The following RAD54B variants were observed in gnomAD, a reference collection of about 807,000 sequenced individuals.
RAD54B encodes DNA repair and recombination protein RAD54B.
Under a neutral mutation model 95.8 loss-of-function variants are expected in RAD54B, and 78 were observed. The ratio of observed to expected loss-of-function variants is 0.81; its 90% CI spans 0.68 to 0.98. The LOEUF (loss-of-function observed/expected upper bound fraction) is 0.98, where lower values mean the gene tolerates loss of function less well. Among genes scored for constraint, RAD54B ranks in the 50% least tolerant of loss-of-function variants. The pLI, the probability that RAD54B is intolerant of heterozygous loss-of-function variation, is 0.00. For missense variants in RAD54B, 957 were observed against 1,056.6 expected, an observed-to-expected ratio of 0.91 and a Z score of 1.31; for synonymous variants, 328 against 354.9, an observed-to-expected ratio of 0.92 and a Z score of 0.85.
rs1375146897 is a variant in RAD54B at position 94,414,677 on chromosome 8, A to G, written c.305-3362T>C. Among the ~76,000 whole-genome samples the G allele has an allele frequency of 2.0e-5, 3 of 152,234 alleles. No homozygotes were observed. In the East Asian group the frequency reaches 5.8e-4, roughly 29 times the overall value. Reference sequence around the variant, plus strand: ...CAGCCTTGCAGCAAAGTCTCAGGATACAAAATCAATGTATAAAAATCACAA... The same window carrying G: ...CAGCCTTGCAGCAAAGTCTCAGGATGCAAAATCAATGTATAAAAATCACAA... On this transcript the variant is annotated intron_variant, in intron 3 of 14. Transcript: ENST00000336148.
chr8:94,378,683 C>T (rs553190806), intron 12 of RAD54B, 49 bp from the exon 13 acceptor site: 4 of 1,260,516 alleles, frequency 3.2e-6, no homozygotes, highest in South Asian at 1.3e-5. Context: ...AACTAATGGC[C>T]CCTTCCACAC....
chr8:94,429,338 T>C (rs957006807), intron 3 of RAD54B: 2 of 538,000 alleles, frequency 3.7e-6, no homozygotes, highest in African/African-American at 4.1e-5. Context: ...AATTTTTACC[T>C]TCCACAATTA....
intron 3 of RAD54B, among the ~76,000 whole-genome samples, chr8:94,444,410 T>TA (rs61282884): frequency 0.028 from 3,902 of 137,818 alleles, 149 homozygotes; most frequent in African/African-American, 0.09. Context: ...TTTTAATAGT[T>TA]AAAAAAAAAA....
intron 3 of RAD54B, among the ~76,000 whole-genome samples, chr8:94,438,373 C>G (rs560893371): frequency 1.3e-5 from 2 of 152,272 alleles, no homozygotes; most frequent in South Asian, 4.1e-4. Context: ...TAGTTCTACC[C>G]TTTCATTGTC....
chr8:94,465,875 G>A (rs565348600), intron 2 of RAD54B, among the ~76,000 whole-genome samples: 65 of 152,304 alleles, frequency 4.3e-4, no homozygotes, highest in African/African-American at 1.5e-3. Context: ...GATGAACCTT[G>A]AAAACATTAT....
chr8:94,406,543 C>T (rs920140429), intron 5 of RAD54B, among the ~76,000 whole-genome samples: 2 of 152,100 alleles, frequency 1.3e-5, no homozygotes, highest in Non-Finnish European at 2.9e-5. Flanking sequence ...CCAATAATGC[C>T]GTTGATTATT....
chr8:94,385,929 G>T (rs2470742), intron 11 of RAD54B, among the ~76,000 whole-genome samples: 4 of 152,008 alleles, frequency 2.6e-5, no homozygotes, highest in Non-Finnish European at 5.9e-5. Flanking sequence ...GGCTGGAAAA[G>T]GAGGCATTAA....
chr8:94,436,880 A>T, intron 3 of RAD54B: 1 of 1,498,632 alleles, frequency 6.7e-7, no homozygotes, highest in South Asian at 1.4e-5. Flanking sequence ...GTTCTTTTCA[A>T]ATTAAGTAGG....
At chr8:94,465,629 A>G (rs780288662) in intron 2 of RAD54B, among the ~76,000 whole-genome samples, 1 of 152,224 alleles carries the variant, frequency 6.6e-6, no homozygotes, top group Non-Finnish European at 1.5e-5. Flanking sequence ...ACACAGAATT[A>G]CCATAATACC....
At position 94,399,606 on chromosome 8, in the gene RAD54B, C is replaced by A; in HGVS notation, c.1186G>T (p.Glu396Ter). ...GAATAAAATATAGACTTGATGAATTCTTCAACTTTGTGGTCCTGAGGAAAA... is the reference window on the plus strand; with the variant it reads ...GAATAAAATATAGACTTGATGAATTATTCAACTTTGTGGTCCTGAGGAAAA... ...FTVDQDHKVE[E>*]FIKSIFYSVL... Residue 396 changes from glutamate (E) to a stop codon, truncating the protein, a stop_gained, in exon 8 of 15, where the codon GAA (glutamate) becomes TAA (stop). Transcript: ENST00000336148. LOFTEE classifies it high-confidence loss of function. The A allele has an allele frequency of 6.2e-7, 1 of 1,608,272 alleles. No individual in the cohort carries two copies. The highest frequency in any genetic ancestry group is 1.3e-5 in the African/African-American group (1 of 74,742).
chr8:94,439,613 G>A (rs1812349316), intron 3 of RAD54B, among the ~76,000 whole-genome samples: 3 of 147,362 alleles, frequency 2.0e-5, no homozygotes, highest in African/African-American at 7.5e-5. Context: ...AGGGAGGCAT[G>A]AGACATCAAC....
chr8:94,432,672 A>C, intron 3 of RAD54B: 3 of 1,470,438 alleles, frequency 2.0e-6, no homozygotes, highest in South Asian at 1.5e-5. Flanking sequence ...GCACACAAAA[A>C]AGCATTATAA....
At chr8:94,396,608 A>C (rs1377201521) in intron 8 of RAD54B, among the ~76,000 whole-genome samples, 4 of 152,100 alleles carry the variant, frequency 2.6e-5, no homozygotes, top group Non-Finnish European at 5.9e-5. Flanking sequence ...GTAGATATTC[A>C]TCACCACATT....
At chr8:94,473,761 G>C (rs973682504) in intron 1 of RAD54B, among the ~76,000 whole-genome samples, 1 of 152,108 alleles carries the variant, frequency 6.6e-6, no homozygotes, top group African/African-American at 2.4e-5. Context: ...AACCAGCAAC[G>C]GTCTCTCCCT....
At chr8:94,411,055 A>G in intron 4 of RAD54B, 66 bp downstream of exon 4, 1 of 1,249,664 alleles carries the variant, frequency 8.0e-7, no homozygotes, top group Non-Finnish European at 1.1e-6. Flanking sequence ...TTACATTTCA[A>G]TTATGTAACC....
At position 94,408,435 on chromosome 8, in the gene RAD54B, T is replaced by C. The variant is rs371895556; in HGVS notation, c.500-715A>G. Among the ~76,000 whole-genome samples the C allele has an allele frequency of 1.2e-3, 184 of 152,226 alleles. 1 individual carries two copies. The highest frequency in any genetic ancestry group is 4.3e-3 in the African/African-American group (177 of 41,562). On this transcript the variant is annotated intron_variant, in intron 4 of 14. Transcript: ENST00000336148. Reference sequence around the variant, plus strand: ...TTGTCTATTAAATGCATTAAACTATTAAATGTGTAGTTATTGTGCCATTAC... The same window carrying C: ...TTGTCTATTAAATGCATTAAACTATCAAATGTGTAGTTATTGTGCCATTAC...
At chr8:94,447,433 C>A (rs1273855788) in intron 3 of RAD54B, among the ~76,000 whole-genome samples, 2 of 152,168 alleles carry the variant, frequency 1.3e-5, no homozygotes, top group Admixed American at 1.3e-4. Context: ...GCCATTCTTT[C>A]ACTTAATCAT....
intron 3 of RAD54B, among the ~76,000 whole-genome samples, chr8:94,442,025 A>G (rs1432172248): frequency 6.6e-6 from 1 of 152,258 alleles, no homozygotes; most frequent in Admixed American, 6.5e-5. Flanking sequence ...AATAAAGAAA[A>G]TGAACTGCAT....
At chr8:94,457,718 C>G (rs1812810918) in intron 3 of RAD54B, among the ~76,000 whole-genome samples, 1 of 152,138 alleles carries the variant, frequency 6.6e-6, no homozygotes, top group African/African-American at 2.4e-5. Flanking sequence ...ATCTATGAAC[C>G]ATCTTAATTA....
Sources: allele counts gnomAD v4.1 joint callset (sites outside exome capture counted in the v4.1 genomes callset), GRCh38; gene constraint gnomAD v4.1.1; transcripts MANE v1.5; gene names NCBI Gene and HGNC (gene_info 2026-07-23, HGNC 2026-07-21).